Variants in OCA2 observed in about 807,000 individuals in gnomAD.
OCA2 encodes the protein P protein.
In OCA2, 77 loss-of-function variants were observed where a neutral mutation model predicts 100.2. The observed-to-expected ratio is 0.77, with a 90% CI of 0.64 to 0.93. The LOEUF (loss-of-function observed/expected upper bound fraction) is 0.93, where lower values mean the gene tolerates loss of function less well. Among genes scored for constraint, OCA2 ranks in the 40% least tolerant of loss-of-function variants. The probability of loss-of-function intolerance (pLI) is 0.00; values close to 1 mark genes in which losing one functional copy is unlikely to be tolerated. For missense variants in OCA2, 1,062 were observed against 1,089.1 expected, an observed-to-expected ratio of 0.98 and a Z score of 0.35; for synonymous variants, 432 against 439.2, an observed-to-expected ratio of 0.98 and a Z score of 0.21.
At chr15:28,007,364 A>G (rs1272412156) in intron 9 of OCA2, among the ~76,000 whole-genome samples, 2 of 152,248 alleles carry the variant, frequency 1.3e-5, no homozygotes, top group Non-Finnish European at 2.9e-5. Flanking sequence ...CCAGAGCCGT[A>G]TTATAGATGC....
intron 19 of OCA2, among the ~76,000 whole-genome samples, chr15:27,882,598 T>C (rs1317064417): frequency 6.6e-6 from 1 of 152,242 alleles, no homozygotes; most frequent in African/African-American, 2.4e-5. Flanking sequence ...TTTTTTCTTA[T>C]TCTTTGTACA....
intron 19 of OCA2, among the ~76,000 whole-genome samples, chr15:27,913,884 AAAGAAAGAAAGCAAGCAAGCAAGC>A (rs2038530443): frequency 1.6e-5 from 1 of 64,054 alleles, no homozygotes; most frequent in African/African-American, 7.4e-5. Context: ...AGAAAGAAAG[AAAGAAAGAAAGCAAGCAAGCAAGC>A]AAGCAAGCAA....
intron 15 of OCA2, among the ~76,000 whole-genome samples, chr15:27,965,034 C>A (rs1484110010): frequency 6.6e-6 from 1 of 152,202 alleles, no homozygotes; most frequent in Non-Finnish European, 1.5e-5. Context: ...GGACAGCTTA[C>A]TAACAACACA....
At chr15:27,932,817 T>A (rs980132787) in intron 18 of OCA2, among the ~76,000 whole-genome samples, 1 of 152,126 alleles carries the variant, frequency 6.6e-6, no homozygotes, top group African/African-American at 2.4e-5. Flanking sequence ...TTTTCAAAAA[T>A]AGTTTGGAAA....
chr15:27,807,913 G>A (rs1478991247), intron 23 of OCA2, among the ~76,000 whole-genome samples: 1 of 152,206 alleles, frequency 6.6e-6, no homozygotes, highest in African/African-American at 2.4e-5. Context: ...AGCTCCACGA[G>A]GGCAGGGCTA....
At chr15:28,004,019 C>T (rs2042012910) in intron 9 of OCA2, among the ~76,000 whole-genome samples, 1 of 152,252 alleles carries the variant, frequency 6.6e-6, no homozygotes, top group Admixed American at 6.5e-5. Flanking sequence ...ACCGTCCAGC[C>T]GCTGCCACCC....
At chr15:27,795,540 C>A (rs1178732222) in intron 23 of OCA2, among the ~76,000 whole-genome samples, 1 of 152,188 alleles carries the variant, frequency 6.6e-6, no homozygotes, top group African/African-American at 2.4e-5. Context: ...AACGGGCCCC[C>A]CACTCTCACC....
In OCA2 at chr15:27,990,611, G is replaced by T. The variant is rs769767739; in HGVS notation, c.1081C>A (p.Leu361Ile). The change falls in exon 10 of 24, where the codon CTT becomes ATT. Residue 361 changes from leucine to isoleucine, a missense_variant. Physicochemically the swap from Leu to Ile is conservative, Grantham distance 5 (BLOSUM62 2). Coordinates refer to ENST00000354638, the MANE Select transcript of OCA2 (RefSeq NM_000275.3). ...ACAGCCAGTGCTGCCAGTGCTGCAAGGGAACCCAGCATGGCCGCCAGAGTT... is the reference window on the plus strand; with the variant it reads ...ACAGCCAGTGCTGCCAGTGCTGCAATGGAACCCAGCATGGCCGCCAGAGTT... ...HRTLAAMLGSLAALAALAVIG... is the reference protein window; with the variant it reads ...HRTLAAMLGSIAALAALAVIG... 6.2e-7 allele frequency: 1 copy of T among 1,614,096 alleles called. No individual in the cohort carries two copies. The highest frequency in any genetic ancestry group is 8.5e-7 in the Non-Finnish European group (1 of 1,180,028).
intron 19 of OCA2, among the ~76,000 whole-genome samples, chr15:27,901,082 T>C (rs1381072822): frequency 1.3e-5 from 2 of 152,238 alleles, no homozygotes; most frequent in South Asian, 2.1e-4. Context: ...AGGAAGAGCA[T>C]TGGGATAGCT....
At chr15:27,989,094 T>G (rs1416543458) in intron 11 of OCA2, among the ~76,000 whole-genome samples, 1 of 152,140 alleles carries the variant, frequency 6.6e-6, no homozygotes, top group Non-Finnish European at 1.5e-5. Context: ...TAAGCTGGGT[T>G]AGGACTCACA....
chr15:27,738,491 T>G, the OCA2 span, among the ~76,000 whole-genome samples: 1 of 152,066 alleles, frequency 6.6e-6, no homozygotes, highest in Non-Finnish European at 1.5e-5. Context: ...ATCCCAGCAT[T>G]TTGGGAGGCC....
chr15:27,758,441 G>T (rs543868171), intron 23 of OCA2, among the ~76,000 whole-genome samples: 8 of 152,328 alleles, frequency 5.3e-5, no homozygotes, highest in African/African-American at 1.9e-4. Context: ...TAACAGCAGA[G>T]ACCACGTGGG....
intron 9 of OCA2, among the ~76,000 whole-genome samples, chr15:28,012,067 T>A (rs2042258241): frequency 3.3e-5 from 5 of 150,828 alleles, no homozygotes. Flanking sequence ...CTATAATATA[T>A]AAAGAACAGT....
intron 23 of OCA2, among the ~76,000 whole-genome samples, chr15:27,771,475 C>T (rs546470026): frequency 2.3e-4 from 35 of 151,916 alleles, no homozygotes; most frequent in Admixed American, 9.2e-4. Context: ...CTCCAGGCAG[C>T]GCCCAGCTGG....
At chr15:27,932,226 A>G (rs773776356) in intron 18 of OCA2, among the ~76,000 whole-genome samples, 1 of 152,188 alleles carries the variant, frequency 6.6e-6, no homozygotes, top group Non-Finnish European at 1.5e-5. Context: ...TTCACAAACT[A>G]TTGTGAATGT....
chr15:28,036,884 C>T (rs1345325106), intron 2 of OCA2, among the ~76,000 whole-genome samples: 1 of 152,106 alleles, frequency 6.6e-6, no homozygotes, highest in Non-Finnish European at 1.5e-5. Flanking sequence ...AGGCCCTGTG[C>T]CACATAGGCA....
At position 27,989,662 on chromosome 15, in the gene OCA2, G is replaced by C. The variant is rs2041483540; in HGVS notation, c.1121C>G (p.Pro374Arg). Residue 374 changes from proline to arginine, a missense_variant, in exon 11 of 24, where the codon CCC (proline) becomes CGC (arginine). Transcript: ENST00000354638. ...LAALAVIGDR[P>R]SLTHVVEWID... ...CCACTCCACCACATGGGTCAGGCTG[G>C]GTCTCTGCAATCAAAGCACAAATTT... is the stretch of plus-strand genomic sequence containing the variant. 3 of 1,614,076 alleles carry C rather than the reference G, an allele frequency of 1.9e-6. No individual in the cohort carries two copies. Among genetic ancestry groups the C allele is most frequent in the South Asian group, 2.2e-5 (2 of 91,074 alleles).
Position 28,043,199 on chromosome 15 carries a change from A to T in OCA2, c.228-11036T>A, listed in dbSNP as rs1285562146. Among the ~76,000 whole-genome samples, 1 of 152,228 alleles carries T rather than the reference A, an allele frequency of 6.6e-6. No individual in the cohort carries two copies. Among genetic ancestry groups the T allele is most frequent in the African/African-American group, 2.4e-5 (1 of 41,466 alleles). On this transcript the variant is annotated intron_variant, in intron 2 of 23. Transcript: ENST00000354638. This position sits in a 1 kb window ranked among gnomAD's most constrained non-coding sequence, Gnocchi z 4.4. ...GGATGTAAGAACATCACCTGTATTT[A>T]AGGTCTAATTTCAATTGTCCTTTCC...
chr15:27,847,269 G>A (rs942785439), intron 22 of OCA2, among the ~76,000 whole-genome samples: 12 of 152,340 alleles, frequency 7.9e-5, no homozygotes, highest in African/African-American at 2.9e-4. Context: ...CCTGTAAGGA[G>A]AAGCCTGGAG....
Sources: allele counts gnomAD v4.1 joint callset (sites outside exome capture counted in the v4.1 genomes callset), GRCh38; gene constraint gnomAD v4.1.1; non-coding constraint Gnocchi (gnomAD v3.1); transcripts MANE v1.5; gene names NCBI Gene and HGNC (gene_info 2026-07-23, HGNC 2026-07-21).